Variants in SRGAP2C observed in about 807,000 individuals in gnomAD.
SRGAP2C encodes SLIT-ROBO Rho GTPase-activating protein 2C.
Under a neutral mutation model 25.1 loss-of-function variants are expected in SRGAP2C, and 15 were observed. That is an observed-to-expected ratio of 0.60 (90% confidence interval 0.40 to 0.92). The LOEUF (loss-of-function observed/expected upper bound fraction) is 0.92. Ranked by LOEUF, SRGAP2C falls within the 40% of genes least tolerant of loss-of-function variation. The pLI, the probability that SRGAP2C is intolerant of heterozygous loss-of-function variation, is 0.00. For synonymous variants in SRGAP2C, 44 were observed against 96.6 expected, an observed-to-expected ratio of 0.46 and a Z score of 3.19; for missense variants, 144 against 264.4, an observed-to-expected ratio of 0.54 and a Z score of 3.16.
At chr1:121,335,914 G>A (rs1658505684) in intron 4 of SRGAP2C, among the ~76,000 whole-genome samples, 2 of 151,994 alleles carry the variant, frequency 1.3e-5, no homozygotes, top group Admixed American at 1.3e-4. Context: ...ATCTTCCTCT[G>A]AAGAGTATGA....
chr1:121,237,461 G>C (rs1190627290), intron 2 of SRGAP2C, among the ~76,000 whole-genome samples: 5 of 152,178 alleles, frequency 3.3e-5, no homozygotes, highest in African/African-American at 1.2e-4. Context: ...ACACTTCATT[G>C]TATCAACTGG....
At chr1:121,338,873 G>GT (rs1195952766) in intron 4 of SRGAP2C, among the ~76,000 whole-genome samples, 6 of 141,984 alleles carry the variant, frequency 4.2e-5, no homozygotes, top group African/African-American at 1.3e-4. Context: ...TCAGCTTAGG[G>GT]TTTTTTCAAT....
chr1:121,193,227 C>CACATTA (rs1654745692), intron 2 of SRGAP2C, among the ~76,000 whole-genome samples: 1 of 47,236 alleles, frequency 2.1e-5, no homozygotes, highest in East Asian at 6.5e-4. Flanking sequence ...GAGTACAGTT[C>CACATTA]AGTAGCATTA....
intron 3 of SRGAP2C, among the ~76,000 whole-genome samples, chr1:121,287,795 A>G (rs1407732431): frequency 2.0e-5 from 3 of 151,702 alleles, no homozygotes; most frequent in Non-Finnish European, 4.4e-5. Flanking sequence ...TGGTGGGTTC[A>G]TGGTCTCGCT....
chr1:121,191,173 G>C (rs587594864), intron 2 of SRGAP2C, among the ~76,000 whole-genome samples: 2 of 151,550 alleles, frequency 1.3e-5, no homozygotes, highest in Non-Finnish European at 2.9e-5. Context: ...GTAGTTGTCC[G>C]TCAGTATCCT....
intron 4 of SRGAP2C, among the ~76,000 whole-genome samples, chr1:121,338,556 T>C (rs1658573829): frequency 6.9e-6 from 1 of 145,110 alleles, no homozygotes; most frequent in Admixed American, 7.0e-5. Flanking sequence ...TTTTGTTTTG[T>C]TTTCTTTTTT....
At chr1:121,359,627 G>C (rs1398210417) in intron 4 of SRGAP2C, among the ~76,000 whole-genome samples, 1 of 152,156 alleles carries the variant, frequency 6.6e-6, no homozygotes, top group Non-Finnish European at 1.5e-5. Flanking sequence ...AAATTAACCA[G>C]CGTGTTGGTA....
At chr1:121,272,618 A>G (rs1406439600) in intron 2 of SRGAP2C, among the ~76,000 whole-genome samples, 4 of 151,566 alleles carry the variant, frequency 2.6e-5, no homozygotes, top group African/African-American at 9.7e-5. Context: ...TTAACCAATC[A>G]ACATTGCCAG....
rs587633677 is a variant in SRGAP2C at position 121,235,032 on chromosome 1, T to G, written c.67+47519T>G. Among the ~76,000 whole-genome samples, 6 of 149,250 alleles carry G rather than the reference T, an allele frequency of 4.0e-5. No homozygotes were observed. The South Asian group carries it at 1.3e-3, about 31-fold the overall frequency. On this transcript the variant is annotated intron_variant, in intron 2 of 9. Transcript: ENST00000367123. ...CTTTCTCTTTTCTTTCTTTCTTTTT[T>G]TTTTTTTGAGGCGGAGTCTCGCTCC...
At chr1:121,303,571 C>T (rs1657746899) in intron 3 of SRGAP2C, among the ~76,000 whole-genome samples, 1 of 150,034 alleles carries the variant, frequency 6.7e-6, no homozygotes, top group East Asian at 2.0e-4. Context: ...TATTTAGAAG[C>T]CATGGATGCT....
chr1:121,263,447 A>AAAC (rs1558099203), intron 2 of SRGAP2C, among the ~76,000 whole-genome samples: 1 of 150,946 alleles, frequency 6.6e-6, no homozygotes, highest in African/African-American at 2.4e-5. Context: ...AAAAAAAAAA[A>AAAC]AAACTTCAGT....
At chr1:121,378,721 A>G (rs1311861813) in intron 7 of SRGAP2C, among the ~76,000 whole-genome samples, 2 of 152,132 alleles carry the variant, frequency 1.3e-5, no homozygotes, top group Non-Finnish European at 2.9e-5. Context: ...TGTGTCATGT[A>G]CAGCCTTCTG....
At position 121,370,601 on chromosome 1, in the gene SRGAP2C, C is replaced by A. The variant is rs12047123; in HGVS notation, c.487-3370C>A. ...GGACTACAGGCACCCGCCACCACGC[C>A]CAGTTAATTTATTTTTGTATTTTTA... On this transcript the variant is annotated intron_variant, in intron 5 of 9. Coordinates refer to ENST00000367123, the MANE Select transcript of SRGAP2C (RefSeq NM_001329984.2). Among the ~76,000 whole-genome samples, 2,544 of 150,882 alleles carry A rather than the reference C, an allele frequency of 0.017. 137 individuals carry two copies. In the East Asian group the frequency reaches 0.19, roughly 11 times the overall value.
At chr1:121,305,915 C>A (rs1378378015) in intron 3 of SRGAP2C, among the ~76,000 whole-genome samples, 4 of 151,730 alleles carry the variant, frequency 2.6e-5, no homozygotes, top group Non-Finnish European at 4.4e-5. Flanking sequence ...GTTTTTAAAA[C>A]CTTTATTCTC....
At chr1:121,295,743 G>A (rs1425137970) in intron 3 of SRGAP2C, among the ~76,000 whole-genome samples, 17 of 150,652 alleles carry the variant, frequency 1.1e-4, no homozygotes, top group African/African-American at 4.2e-4. Context: ...TTTTGTTGTT[G>A]TTGTTGTTGT....
intron 2 of SRGAP2C, among the ~76,000 whole-genome samples, chr1:121,188,447 A>T (rs1654584252): frequency 6.7e-6 from 1 of 149,176 alleles, no homozygotes; most frequent in Non-Finnish European, 1.5e-5. Context: ...GAGCTGCAGC[A>T]TGTGTTTGTG....
chr1:121,367,808 C>CTCA (rs1311659549), intron 5 of SRGAP2C, among the ~76,000 whole-genome samples: 1 of 143,300 alleles, frequency 7.0e-6, no homozygotes, highest in Non-Finnish European at 1.5e-5. Context: ...GTGAGCCAGG[C>CTCA]TCATGCCTGT....
chr1:121,379,582 G>A (rs183081506), intron 7 of SRGAP2C, among the ~76,000 whole-genome samples: 56 of 152,152 alleles, frequency 3.7e-4, no homozygotes, highest in Middle Eastern at 3.4e-3. Context: ...CTGAAGGCTC[G>A]GTTTCTGACT....
Position 121,354,406 on chromosome 1 carries a change from T to C in SRGAP2C, c.424-10887T>C, listed in dbSNP as rs1230361964. On this transcript the variant is annotated intron_variant, in intron 4 of 9. Transcript: ENST00000367123. ...CTGTCCTTTTTTTTTCTTTTTTTTTTTTTTTTTTTTTTTCTGAGTCTTGCT... is the reference window on the plus strand; with the variant it reads ...CTGTCCTTTTTTTTTCTTTTTTTTTCTTTTTTTTTTTTTCTGAGTCTTGCT... Among the ~76,000 whole-genome samples the C allele has an allele frequency of 2.9e-5, 2 of 69,510 alleles. 1 individual carries two copies. The highest frequency in any genetic ancestry group is 5.7e-5 in the Non-Finnish European group (2 of 35,018). The allele number at this position is 69,510 out of a possible 152,430, so 45.6% of individuals were successfully genotyped here.
Sources: gnomAD v4.1 joint callset for allele counts (sites outside exome capture counted in the v4.1 genomes callset) on GRCh38, gnomAD v4.1.1 for gene constraint, MANE v1.5 for transcripts, NCBI Gene and HGNC (gene_info 2026-07-23, HGNC 2026-07-21) for gene names.